The following PDE4D variants were observed in gnomAD, a reference collection of about 807,000 sequenced individuals.
The protein encoded by PDE4D is phosphodiesterase 4D, also known as 3',5'-cyclic-AMP phosphodiesterase 4D.
PDE4D carries 24 observed loss-of-function variants against 87.4 expected under a neutral mutation model. That is an observed-to-expected ratio of 0.27 (90% CI 0.20 to 0.39). The LOEUF (loss-of-function observed/expected upper bound fraction) is 0.39, where lower values mean the gene tolerates loss of function less well. PDE4D is among the 10% of genes least tolerant of loss of function. The pLI, the probability that PDE4D is intolerant of heterozygous loss-of-function variation, is 1.00. For missense variants in PDE4D, 714 were observed against 1,041.0 expected (o/e 0.69, Z 4.32); for synonymous variants, 384 against 383.2 (o/e 1.00, Z -0.02).
intron 1 of PDE4D, among the ~76,000 whole-genome samples, chr5:59,263,045 G>A (rs188717499): frequency 2.3e-3 from 353 of 151,818 alleles, no homozygotes; most frequent in Non-Finnish European, 4.2e-3. Flanking sequence ...AAATCCTCCC[G>A]GATACTATAC....
At chr5:59,122,069 G>T (rs1315489018) in intron 5 of PDE4D, among the ~76,000 whole-genome samples, 1 of 145,108 alleles carries the variant, frequency 6.9e-6, no homozygotes, top group African/African-American at 2.5e-5. Context: ...TTGAACCCGG[G>T]AGGCGGAGGT....
Position 60,050,335 on chromosome 5 carries a change from C to G in PDE4D, c.43-61618G>C, listed in dbSNP as rs112459772. Among the ~76,000 whole-genome samples the G allele has an allele frequency of 2.6e-5, 4 of 152,256 alleles. 1 individual carries two copies. The highest frequency in any genetic ancestry group is 7.2e-5 in the African/African-American group (3 of 41,554). On this transcript the variant is annotated intron_variant, in intron 2 of 16. Transcript: ENST00000502484. ...GAAATCACCCGTCTTCTGTGACGCT[C>G]TCACTGGGAGTTGTAGACCAGAGCT...
Position 59,208,141 on chromosome 5 carries a change from T to A in PDE4D, c.647+7636A>T, listed in dbSNP as rs539453292. 1.4e-3 allele frequency among the ~76,000 whole-genome samples: 220 copies of A among 152,270 alleles called. 1 individual carries two copies. The highest frequency in any genetic ancestry group is 4.8e-3 in the African/African-American group (200 of 41,534). On this transcript the variant is annotated intron_variant, in intron 2 of 14. Coordinates refer to ENST00000340635, the MANE Select transcript of PDE4D (RefSeq NM_001104631.2). ...GAGATTGTGCCACTGCACTCCAACC[T>A]GCGCAACAGAGTGAGACTCTATCTC...
intron 5 of PDE4D, among the ~76,000 whole-genome samples, chr5:59,097,252 CTGTT>C (rs1769899199): frequency 6.6e-6 from 1 of 152,178 alleles, no homozygotes; most frequent in Non-Finnish European, 1.5e-5. Context: ...CTTTACAAGA[CTGTT>C]TGGGTAATTT....
At chr5:59,622,227 C>T (rs915914538) in intron 1 of PDE4D, among the ~76,000 whole-genome samples, 15 of 152,026 alleles carry the variant, frequency 9.9e-5, no homozygotes, top group East Asian at 1.9e-4. Context: ...ACTATATATA[C>T]GAATGTATGC....
At chr5:59,570,665 A>G (rs1821685943) in intron 1 of PDE4D, among the ~76,000 whole-genome samples, 1 of 152,138 alleles carries the variant, frequency 6.6e-6, no homozygotes, top group East Asian at 1.9e-4. Flanking sequence ...AAAAATTGCA[A>G]AACTCCAAGA....
intron 1 of PDE4D, among the ~76,000 whole-genome samples, chr5:59,686,250 C>T (rs1749840526): frequency 6.6e-6 from 1 of 152,070 alleles, no homozygotes; most frequent in African/African-American, 2.4e-5. Context: ...ACTTGCCTGC[C>T]AAGCCCAGTG....
chr5:59,090,977 G>A (rs184999149), intron 5 of PDE4D: 15 of 363,950 alleles, frequency 4.1e-5, no homozygotes, highest in Middle Eastern at 8.0e-4. Flanking sequence ...CTCCCTAAAG[G>A]GTGCTCAGAA....
intron 1 of PDE4D, among the ~76,000 whole-genome samples, chr5:60,249,648 G>A (rs1352806516): frequency 6.6e-6 from 1 of 151,920 alleles, no homozygotes; most frequent in Non-Finnish European, 1.5e-5. Context: ...CAAGAAATAG[G>A]ATTTAAATGA....
In PDE4D at chr5:59,330,853, C is replaced by T. The variant is rs76046210; in HGVS notation, c.456-114885G>A. On this transcript the variant is annotated intron_variant, in intron 1 of 14. Coordinates refer to ENST00000340635, the MANE Select transcript of PDE4D (RefSeq NM_001104631.2). ...GTTTATGTTGCCATGGCTTCCTCGA[C>T]AGCCTCATTCCTGCCTTCGTGTCTG... Among the ~76,000 whole-genome samples, 1,045 of 152,312 alleles carry T rather than the reference C, an allele frequency of 6.9e-3. 13 individuals carry two copies. Among genetic ancestry groups the T allele is most frequent in the Non-Finnish European group, 0.011 (773 of 68,030 alleles).
Position 59,629,349 on chromosome 5 carries a change from A to T in PDE4D, c.455+263819T>A, listed in dbSNP as rs1831283134. Reference sequence around the variant, plus strand: ...TAAGATGAGGTCATATAGGAGTAAGATGCACCCTACTTCAATGTGACTGGT... The same window carrying T: ...TAAGATGAGGTCATATAGGAGTAAGTTGCACCCTACTTCAATGTGACTGGT... On this transcript the variant is annotated intron_variant, in intron 1 of 14. Transcript: ENST00000340635. Among the ~76,000 whole-genome samples the T allele has an allele frequency of 2.0e-5, 3 of 152,248 alleles. No homozygotes were observed. The South Asian group carries it at 6.2e-4, about 32-fold the overall frequency.
chr5:59,276,105 G>T (rs1412867279), intron 1 of PDE4D: 1 of 778,316 alleles, frequency 1.3e-6, no homozygotes, highest in African/African-American at 2.1e-5. Context: ...TCAAAACACC[G>T]CAGGGCAGTG....
At chr5:59,995,602 A>G (rs182368336) in intron 2 of PDE4D, among the ~76,000 whole-genome samples, 1 of 152,268 alleles carries the variant, frequency 6.6e-6, no homozygotes, top group East Asian at 1.9e-4. Flanking sequence ...TACAGGTGTG[A>G]GCCACTGCAC....
At chr5:59,651,997 C>T (rs1318219264) in intron 1 of PDE4D, among the ~76,000 whole-genome samples, 2 of 152,198 alleles carry the variant, frequency 1.3e-5, no homozygotes, top group Non-Finnish European at 2.9e-5. Context: ...AAAGGCCTAA[C>T]CCTCTCACCC....
At chr5:59,162,401 ATTC>A (rs147760362) in intron 5 of PDE4D, among the ~76,000 whole-genome samples, 20,511 of 152,170 alleles carry the variant, frequency 0.13, 1,513 homozygotes, top group South Asian at 0.16. Context: ...AACCTAATAA[ATTC>A]TTGTTTCTGC....
chr5:59,550,503 G>A (rs552823681), intron 1 of PDE4D, among the ~76,000 whole-genome samples: 10 of 151,950 alleles, frequency 6.6e-5, no homozygotes, highest in African/African-American at 9.7e-5. Context: ...TAGTCAATAC[G>A]CTGAATTTGT....
In PDE4D at chr5:59,622,779, G is replaced by A. The variant is rs137939881; in HGVS notation, c.455+270389C>T. ...ACATAAGGTCTGAGAACACAGAGTCGGGTGCTGTAAACTCAAAGAAGTACT... is the reference window on the plus strand; with the variant it reads ...ACATAAGGTCTGAGAACACAGAGTCAGGTGCTGTAAACTCAAAGAAGTACT... On this transcript the variant is annotated intron_variant, in intron 1 of 14. Coordinates refer to ENST00000340635, the MANE Select transcript of PDE4D (RefSeq NM_001104631.2). 1.4e-4 allele frequency among the ~76,000 whole-genome samples: 21 copies of A among 152,196 alleles called. No homozygotes were observed. The East Asian group carries it at 3.1e-3, about 22-fold the overall frequency.
intron 2 of PDE4D, among the ~76,000 whole-genome samples, chr5:60,078,730 G>T (rs1376370167): frequency 1.3e-5 from 2 of 152,180 alleles, no homozygotes; most frequent in Non-Finnish European, 2.9e-5. Flanking sequence ...TCCTTTTAAT[G>T]GCTGCATAGT....
At chr5:60,403,268 A>G (rs1287209566) in intron 1 of PDE4D, among the ~76,000 whole-genome samples, 1 of 152,240 alleles carries the variant, frequency 6.6e-6, no homozygotes, top group African/African-American at 2.4e-5. Context: ...AACTGAATAG[A>G]ATGAAGAATA....
Sources: allele counts gnomAD v4.1 joint callset (sites outside exome capture counted in the v4.1 genomes callset), GRCh38; gene constraint gnomAD v4.1.1; transcripts MANE v1.5; gene names NCBI Gene and HGNC (gene_info 2026-07-23, HGNC 2026-07-21).